STK17B: variants seen among roughly 807,000 people sequenced by gnomAD.
The protein encoded by STK17B is serine/threonine kinase 17b.
In STK17B, 21 loss-of-function variants were observed where a neutral mutation model predicts 42.0. That is an observed-to-expected ratio of 0.50 (90% CI 0.35 to 0.72). STK17B has a LOEUF of 0.72. STK17B is among the 30% of genes least tolerant of loss of function. The pLI is 0.00. For synonymous variants in STK17B, 143 were observed against 148.4 expected (o/e 0.96, Z 0.26); for missense variants, 349 against 446.0 (o/e 0.78, Z 1.96).
At chr2:196,153,712 C>A (rs1383787906) in intron 3 of STK17B, 1 of 151,914 alleles carries the variant, frequency 6.6e-6, no homozygotes, top group Non-Finnish European at 1.5e-5. Flanking sequence ...TCTTCAAACA[C>A]CAATGACATT....
chr2:196,137,529 T>C lies in STK17B; in HGVS notation c.1037A>G (p.Asp346Gly). 1 of 1,614,150 alleles carries C rather than the reference T, an allele frequency of 6.2e-7. No homozygotes were observed. The highest frequency in any genetic ancestry group is 8.5e-7 in the Non-Finnish European group (1 of 1,180,000). The change falls in exon 8 of 8, where the codon GAT becomes GGT. Residue 346 changes from aspartate (D) to glycine (G), a missense_variant. Physicochemically the swap from Asp to Gly is moderately conservative, Grantham distance 94 (BLOSUM62 -1). Transcript: ENST00000263955. ...DREDKENIPEDSSMVSKRFRF... is the reference protein window; with the variant it reads ...DREDKENIPEGSSMVSKRFRF... ...AAATCTTTTGGAAACCATGCTGCTA[T>C]CCTCTGGGATATTCTCTTTGTCTTC...
intron 5 of STK17B, among the ~76,000 whole-genome samples, chr2:196,141,628 T>C (rs1323233711): frequency 1.3e-5 from 2 of 152,148 alleles, no homozygotes; most frequent in African/African-American, 4.8e-5. Flanking sequence ...CACTGCACTC[T>C]AGCCTGGGCA....
At chr2:196,163,947 G>A (rs983663183) in intron 1 of STK17B, among the ~76,000 whole-genome samples, 6 of 151,948 alleles carry the variant, frequency 3.9e-5, no homozygotes, top group Admixed American at 3.3e-4. Context: ...GCTGAGGCAG[G>A]AGCATCACTT....
chr2:196,143,632 C>G lies in STK17B; in HGVS notation c.535G>C (p.Asp179His). 1 of 1,609,328 alleles carries G rather than the reference C, an allele frequency of 6.2e-7. No individual in the cohort carries two copies. The highest frequency in any genetic ancestry group is 8.5e-7 in the Non-Finnish European group (1 of 1,177,854). Residue 179 changes from aspartate to histidine, a missense_variant, in exon 5 of 8, where the codon GAT (aspartate) becomes CAT (histidine). Physicochemically the swap from Asp to His is moderately conservative, Grantham distance 81. Around this residue, in one of 3 missense-constraint regions of STK17B, gnomAD observed 256 missense variants for 347.7 expected, o/e 0.74. Transcript: ENST00000263955. The stretch of plus-strand genomic sequence containing the variant: ...CCTATTTTTCGAGACATTCCAAAAT[C>G]TACTATTTTAATGTCCCCGAGAGGG... ...IYPLGDIKIV[D>H]FGMSRKIGHA...
chr2:196,175,762 AAGTT>A (rs1699991483), upstream of STK17B, among the ~76,000 whole-genome samples: 1 of 152,210 alleles, frequency 6.6e-6, no homozygotes, highest in Non-Finnish European at 1.5e-5. Context: ...TGTGGCTACT[AAGTT>A]AGGCAGTGTA....
intron 4 of STK17B, 108 bp downstream of exon 4, chr2:196,145,803 A>T (rs2271887): frequency 6.6e-5 from 75 of 1,141,186 alleles, no homozygotes; most frequent in African/African-American, 4.5e-4. Flanking sequence ...GCAGTCTAGA[A>T]GACCAGGAAC....
chr2:196,146,599 T>C (rs1196638490), intron 3 of STK17B, among the ~76,000 whole-genome samples: 1 of 152,162 alleles, frequency 6.6e-6, no homozygotes, highest in African/African-American at 2.4e-5. Flanking sequence ...TGCTTTATGA[T>C]CCAATAATGT....
At chr2:196,161,751 C>G (rs531132145) in intron 2 of STK17B, among the ~76,000 whole-genome samples, 1 of 151,810 alleles carries the variant, frequency 6.6e-6, no homozygotes, top group East Asian at 1.9e-4. Context: ...CTCCTGACCT[C>G]GTGACCCACC....
chr2:196,175,821 C>T (rs1295666222), upstream of STK17B, among the ~76,000 whole-genome samples: 2 of 152,104 alleles, frequency 1.3e-5, no homozygotes, highest in Admixed American at 6.5e-5. Flanking sequence ...GTCTAAATTT[C>T]CAGTGCTAGA....
At chr2:196,158,802 G>A (rs1380382418) in intron 2 of STK17B, among the ~76,000 whole-genome samples, 1 of 152,050 alleles carries the variant, frequency 6.6e-6, no homozygotes, top group African/African-American at 2.4e-5. Context: ...CAGAGGTCAG[G>A]AGATCAAGAC....
At chr2:196,168,776 CTTGT>C (rs1436918360) in intron 1 of STK17B, among the ~76,000 whole-genome samples, 2 of 152,112 alleles carry the variant, frequency 1.3e-5, no homozygotes, top group Admixed American at 6.5e-5. Flanking sequence ...AAAATACATG[CTTGT>C]AACTTTATAA....
chr2:196,143,741 C>G, intron 4 of STK17B, 55 bp from the exon 5 acceptor site: 5 of 1,376,262 alleles, frequency 3.6e-6, no homozygotes, highest in Non-Finnish European at 4.8e-6. Flanking sequence ...GCATACTAGT[C>G]TCAGATGGAA....
rs541491273 is a variant in STK17B, at chr2:196,148,767, G to A, written c.336-2712C>T. On this transcript the variant is annotated intron_variant, in intron 3 of 7. Transcript: ENST00000263955. ...TACCAACATTTTATATTACAAATTC[G>A]TTAAAGTTACTTCAATAACCAGAAC... Among the ~76,000 whole-genome samples the A allele has an allele frequency of 1.1e-4, 16 of 152,200 alleles. No homozygotes were observed. In the South Asian group the frequency reaches 2.3e-3, roughly 22 times the overall value.
intron 1 of STK17B, among the ~76,000 whole-genome samples, chr2:196,167,912 T>G (rs531133060): frequency 6.6e-6 from 1 of 152,332 alleles, no homozygotes; most frequent in Non-Finnish European, 1.5e-5. Flanking sequence ...GCTAGCAAGC[T>G]TTCCCTAGGA....
intron 2 of STK17B, among the ~76,000 whole-genome samples, chr2:196,161,222 C>A (rs182192966): frequency 6.6e-6 from 1 of 151,330 alleles, no homozygotes; most frequent in East Asian, 1.9e-4. Context: ...CCACGGACCA[C>A]TGAAGTCTTT....
At chr2:196,164,514 T>C (rs1020552983) in intron 1 of STK17B, among the ~76,000 whole-genome samples, 34 of 152,240 alleles carry the variant, frequency 2.2e-4, no homozygotes, top group African/African-American at 8.2e-4. Context: ...AAGACACTTA[T>C]GACTTATTGC....
intron 4 of STK17B, among the ~76,000 whole-genome samples, chr2:196,144,653 T>C (rs1349279062): frequency 6.6e-6 from 1 of 152,110 alleles, no homozygotes. Context: ...GGTCTGACTG[T>C]TCCCTGGCTT....
At chr2:196,156,362 C>T (rs6712631) in intron 3 of STK17B, 77 bp downstream of exon 3, 746,930 of 1,213,112 alleles carry the variant, frequency 0.62, 233,934 homozygotes, top group East Asian at 0.92. Flanking sequence ...CTTGTCACAC[C>T]TTTATCATTC....
Position 196,161,299 on chromosome 2 carries a change from GA to G in STK17B, c.122+1962del, listed in dbSNP as rs66877471. Among the ~76,000 whole-genome samples, 274 of 143,426 alleles carry G rather than the reference GA, an allele frequency of 1.9e-3. 1 individual carries two copies. Among genetic ancestry groups the G allele is most frequent in the African/African-American group, 5.9e-3 (233 of 39,240 alleles). The allele number at this position is 143,426 out of a possible 152,430, so 94.1% of individuals were successfully genotyped here. On this transcript the variant is annotated intron_variant, in intron 2 of 7. Transcript: ENST00000263955. ...CTTAAAAAAAAGAAAAAGAAAAAAA[GA>G]AAAAAAAAACCTTTCTTCCTATTAT...
Sources: allele counts gnomAD v4.1 joint callset (sites outside exome capture counted in the v4.1 genomes callset), GRCh38; gene constraint gnomAD v4.1.1; regional missense constraint gnomAD v4.1.1; transcripts MANE v1.5; gene names NCBI Gene and HGNC (gene_info 2026-07-23, HGNC 2026-07-21).